The following PCDHA2 variants were observed in gnomAD, a reference collection of about 807,000 sequenced individuals.
The protein encoded by PCDHA2 is protocadherin alpha 2, also known as protocadherin alpha-2.
In PCDHA2, 58 loss-of-function variants were observed where a neutral mutation model predicts 66.0. The observed-to-expected ratio is 0.88, with a 90% CI of 0.71 to 1.09. PCDHA2 has a LOEUF of 1.09. Ranked by LOEUF, PCDHA2 falls within the 50% of genes least tolerant of loss-of-function variation. The pLI, the probability that PCDHA2 is intolerant of heterozygous loss-of-function variation, is 0.00. For synonymous variants in PCDHA2, 634 were observed against 554.0 expected, an observed-to-expected ratio of 1.14 and a Z score of -2.03; for missense variants, 1,267 against 1,242.3, an observed-to-expected ratio of 1.02 and a Z score of -0.30.
intron 1 of PCDHA2, chr5:140,836,055 G>C: frequency 1.2e-6 from 2 of 1,613,604 alleles, no homozygotes; most frequent in Non-Finnish European, 1.7e-6. Context: ...CGTGCTGGAC[G>C]AGAACGACAA....
intron 1 of PCDHA2, chr5:140,882,788 C>G: frequency 6.2e-7 from 1 of 1,614,216 alleles, no homozygotes; most frequent in Non-Finnish European, 8.5e-7. Flanking sequence ...CCGACTGGAT[C>G]CCAACGATTA....
At chr5:140,887,254 G>A (rs924715341) in intron 1 of PCDHA2, among the ~76,000 whole-genome samples, 4 of 151,790 alleles carry the variant, frequency 2.6e-5, no homozygotes, top group Admixed American at 2.0e-4. Context: ...CCGCCACCAC[G>A]CCCTGCTAAT....
intron 1 of PCDHA2, among the ~76,000 whole-genome samples, chr5:140,880,215 G>A (rs944497497): frequency 3.3e-5 from 5 of 152,162 alleles, no homozygotes; most frequent in Non-Finnish European, 5.9e-5. Context: ...TCCACCAGAA[G>A]TAGAACATTT....
intron 1 of PCDHA2, chr5:140,881,303 C>G (rs2058657354): frequency 2.1e-6 from 2 of 962,486 alleles, no homozygotes; most frequent in African/African-American, 1.8e-5. Flanking sequence ...GAAACTTTAA[C>G]CTCCTGGTTA....
At chr5:140,927,489 C>T (rs147183638) in intron 1 of PCDHA2, 63 of 1,614,126 alleles carry the variant, frequency 3.9e-5, no homozygotes, top group Non-Finnish European at 4.8e-5. Flanking sequence ...GCGCCACCCA[C>T]CTGCTGGTGC....
Position 140,818,481 on chromosome 5 carries a change from C to T in PCDHA2, c.2388+21129C>T, listed in dbSNP as rs2150101403. ...AAACTTTCCTCCCACAAAGTTTTCA[C>T]TCACTTGATCTTGGATTTTAAAATC... On this transcript the variant is annotated intron_variant, in intron 1 of 3. Coordinates refer to ENST00000526136, the MANE Select transcript of PCDHA2 (RefSeq NM_018905.3). 3.2e-4 allele frequency among the ~76,000 whole-genome samples: 49 copies of T among 152,332 alleles called. 1 individual carries two copies. Among genetic ancestry groups the T allele is most frequent in the South Asian group, 2.7e-3 (13 of 4,828 alleles).
intron 3 of PCDHA2, among the ~76,000 whole-genome samples, chr5:141,001,134 T>A (rs370176335): frequency 4.7e-4 from 72 of 152,158 alleles, no homozygotes; most frequent in African/African-American, 1.7e-3. Context: ...AACAAATGAA[T>A]CTTCTGTTGC....
chr5:140,945,346 A>C (rs2093775452), intron 1 of PCDHA2, among the ~76,000 whole-genome samples: 1 of 152,132 alleles, frequency 6.6e-6, no homozygotes, highest in South Asian at 2.1e-4. Context: ...AGCTTGGAAA[A>C]ATTAATACTG....
rs143363926 is a variant in PCDHA2 at position 140,919,499 on chromosome 5, C to T, written c.2389-59450C>T. Among the ~76,000 whole-genome samples the T allele has an allele frequency of 1.8e-4, 27 of 152,124 alleles. No homozygotes were observed. In the East Asian group the frequency reaches 5.2e-3, roughly 29 times the overall value. ...TGGATTTATGTTTGTTATTTTACTCCTTTTTCTATATGTTTTAATTCTCTT... is the reference window on the plus strand; with the variant it reads ...TGGATTTATGTTTGTTATTTTACTCTTTTTTCTATATGTTTTAATTCTCTT... On this transcript the variant is annotated intron_variant, in intron 1 of 3. Coordinates refer to ENST00000526136, the MANE Select transcript of PCDHA2 (RefSeq NM_018905.3).
Position 140,857,753 on chromosome 5 carries a change from G to C in PCDHA2, c.2388+60401G>C, listed in dbSNP as rs782054220. 1.3e-5 allele frequency: 20 copies of C among 1,597,296 alleles called. No individual in the cohort carries two copies. The East Asian group carries it at 4.5e-4, about 36-fold the overall frequency. On this transcript the variant is annotated intron_variant, in intron 1 of 3. Coordinates refer to ENST00000526136, the MANE Select transcript of PCDHA2 (RefSeq NM_018905.3). ...CGCTCCCGCGCTGCTGGCGTCTCCC[G>C]CTGGCAGCGCGGGCGGTGCAGTCAG... is the stretch of plus-strand genomic sequence containing the variant.
At position 140,835,626 on chromosome 5, in the gene PCDHA2, C is replaced by G. The variant is rs2150239729; in HGVS notation, c.2388+38274C>G. ...ATTGGTGCTGGACAGCGCTCTGGAC[C>G]GCGAGAGTGTGTCCGCCTATGAGCT... is the stretch of plus-strand genomic sequence containing the variant. On this transcript the variant is annotated intron_variant, in intron 1 of 3. Transcript: ENST00000526136. 21 of 1,613,762 alleles carry G rather than the reference C, an allele frequency of 1.3e-5. No homozygotes were observed. The highest frequency in any genetic ancestry group is 1.1e-5 in the South Asian group (1 of 91,068).
At chr5:140,822,234 A>T (rs2150114791) in intron 1 of PCDHA2, 1 of 1,614,268 alleles carries the variant, frequency 6.2e-7, no homozygotes, top group East Asian at 2.2e-5. Context: ...GGTTTCCGCT[A>T]GAGGGCGCGT....
Position 140,842,339 on chromosome 5 carries a change from A to G in PCDHA2, c.2388+44987A>G, listed in dbSNP as rs2150334391. 9 of 1,607,816 alleles carry G rather than the reference A, an allele frequency of 5.6e-6. No individual in the cohort carries two copies. The South Asian group carries it at 9.9e-5, about 18-fold the overall frequency. Reference sequence around the variant, plus strand: ...GGGTCATTGCACCGTTTTAGTGAGAATTTTGGATAAAAATGATAACGTCCC... The same window carrying G: ...GGGTCATTGCACCGTTTTAGTGAGAGTTTTGGATAAAAATGATAACGTCCC... On this transcript the variant is annotated intron_variant, in intron 1 of 3. Coordinates refer to ENST00000526136, the MANE Select transcript of PCDHA2 (RefSeq NM_018905.3).
At chr5:140,926,863 G>T (rs2083606655) in intron 1 of PCDHA2, 6 of 1,523,054 alleles carry the variant, frequency 3.9e-6, no homozygotes, top group Non-Finnish European at 5.3e-6. Flanking sequence ...GGTGTAGCGT[G>T]TTGGTGGAAC....
At chr5:140,927,236 T>A in intron 1 of PCDHA2, 3 of 1,614,120 alleles carry the variant, frequency 1.9e-6, no homozygotes, top group Non-Finnish European at 2.5e-6. Context: ...ATTCACGTCC[T>A]GGACACCAAT....
rs1554129608 is a variant in PCDHA2, at chr5:140,823,796, C to G, written c.2388+26444C>G. ...GTGTCGCTGGTGGAAAGTGGCCAGG[C>G]GCCGAAGGCCTCATCGCGGGCGTCG... On this transcript the variant is annotated intron_variant, in intron 1 of 3. Transcript: ENST00000526136. 1.2e-6 allele frequency: 2 copies of G among 1,613,670 alleles called. No homozygotes were observed. The highest frequency in any genetic ancestry group is 2.2e-5 in the East Asian group (1 of 44,872).
intron 1 of PCDHA2, among the ~76,000 whole-genome samples, chr5:140,953,003 A>G (rs2094831963): frequency 6.6e-6 from 1 of 152,190 alleles, no homozygotes; most frequent in Non-Finnish European, 1.5e-5. Context: ...CTCTCTCACT[A>G]TTATGAGAAC....
At chr5:140,856,879 G>A in intron 1 of PCDHA2, 1 of 1,593,884 alleles carries the variant, frequency 6.3e-7, no homozygotes, top group Non-Finnish European at 8.6e-7. Context: ...AGGAAATGAT[G>A]TATTCATTTA....
chr5:140,823,339 C>T (rs2150124822), intron 1 of PCDHA2: 28 of 1,612,236 alleles, frequency 1.7e-5, no homozygotes, highest in African/African-American at 1.5e-4. Context: ...GCTGCAGCCG[C>T]TGGACCACGA....
Sources: gnomAD v4.1 joint callset for allele counts (sites outside exome capture counted in the v4.1 genomes callset) on GRCh38, gnomAD v4.1.1 for gene constraint, MANE v1.5 for transcripts, NCBI Gene and HGNC (gene_info 2026-07-23, HGNC 2026-07-21) for gene names.